Variants in TRAPPC9 observed in about 807,000 individuals in gnomAD.
TRAPPC9 encodes IKK2 binding protein.
TRAPPC9 carries 83 observed loss-of-function variants against 124.0 expected under a neutral mutation model. The ratio of observed to expected loss-of-function variants is 0.67; its 90% CI spans 0.56 to 0.80. TRAPPC9 has a LOEUF of 0.80. Among genes scored for constraint, TRAPPC9 ranks in the 30% least tolerant of loss-of-function variants. TRAPPC9 has a pLI of 0.00. For missense variants in TRAPPC9, 1,302 were observed against 1,508.3 expected (o/e 0.86, Z 2.27); for synonymous variants, 638 against 617.5 (o/e 1.03, Z -0.49).
chr8:140,245,684 T>C (rs1563878091), intron 16 of TRAPPC9, among the ~76,000 whole-genome samples: 1 of 152,218 alleles, frequency 6.6e-6, no homozygotes, highest in South Asian at 2.1e-4. Context: ...TCCTGGAGTC[T>C]GGACTGCCAA....
intron 18 of TRAPPC9, among the ~76,000 whole-genome samples, chr8:140,022,054 A>G (rs1260261927): frequency 6.6e-6 from 1 of 152,234 alleles, no homozygotes; most frequent in Non-Finnish European, 1.5e-5. Context: ...CTTAAGCACC[A>G]TGGATGTCAT....
intron 17 of TRAPPC9, among the ~76,000 whole-genome samples, chr8:140,132,329 C>T (rs1048319594): frequency 2.0e-5 from 3 of 152,192 alleles, no homozygotes; most frequent in Admixed American, 6.5e-5. Flanking sequence ...GCCGAAACCA[C>T]GTAAGACTTC....
chr8:140,264,009 A>G (rs1343248862), intron 15 of TRAPPC9, among the ~76,000 whole-genome samples: 1 of 152,186 alleles, frequency 6.6e-6, no homozygotes, highest in Non-Finnish European at 1.5e-5. Flanking sequence ...CTCTATGACA[A>G]TACCAAGAAG....
intron 20 of TRAPPC9, among the ~76,000 whole-genome samples, chr8:139,892,944 T>G (rs538469707): frequency 6.6e-6 from 1 of 152,220 alleles, no homozygotes; most frequent in African/African-American, 2.4e-5. Flanking sequence ...ACAGCCTCAG[T>G]CCACAACGAC....
chr8:140,098,931 A>G (rs2060512102), intron 17 of TRAPPC9: 1 of 151,456 alleles, frequency 6.6e-6, no homozygotes, highest in African/African-American at 2.4e-5. Flanking sequence ...GGTAGGTCTC[A>G]GTGCGCAGCT....
At chr8:139,796,067 G>GAGGAGGAGGAAGAGGAGA (rs1357159545) in intron 21 of TRAPPC9, among the ~76,000 whole-genome samples, 1 of 124,866 alleles carries the variant, frequency 8.0e-6, no homozygotes, top group Non-Finnish European at 1.5e-5. Context: ...AGAGGAAGAA[G>GAGGAGGAGGAAGAGGAGA]AGGAGGAGGA....
intron 5 of TRAPPC9, among the ~76,000 whole-genome samples, chr8:140,419,448 A>AACAAAAC (rs1554683877): frequency 5.8e-4 from 55 of 94,774 alleles, no homozygotes; most frequent in African/African-American, 1.9e-3. Context: ...AAAAAAAAAA[A>AACAAAAC]AAAACAAAAC....
chr8:139,756,724 G>A (rs1586776765), intron 21 of TRAPPC9, among the ~76,000 whole-genome samples: 1 of 134,650 alleles, frequency 7.4e-6, no homozygotes, highest in East Asian at 2.4e-4. Context: ...AGGACAGCAG[G>A]TCGCAGGAGG....
chr8:140,083,948 A>G (rs1844019446), intron 17 of TRAPPC9, among the ~76,000 whole-genome samples: 1 of 152,082 alleles, frequency 6.6e-6, no homozygotes, highest in African/African-American at 2.4e-5. Flanking sequence ...TACAGGCATG[A>G]GCGCCGCACC....
chr8:140,038,563 C>G (rs116079760), intron 17 of TRAPPC9, among the ~76,000 whole-genome samples: 1 of 152,200 alleles, frequency 6.6e-6, no homozygotes, highest in African/African-American at 2.4e-5. Flanking sequence ...CCTGGCTCCA[C>G]GCACACTGCT....
rs1001573455 is a variant in TRAPPC9, at chr8:139,729,516, G to T, written c.*1545C>A. On this transcript the variant is annotated 3_prime_UTR_variant, in exon 23 of 23. Transcript: ENST00000438773. ...GGGGAGCCTCGAGCAGATGCTGAAT[G>T]AGCTCCAGGAACTGAGGGCCACTGG... 6.6e-6 allele frequency among the ~76,000 whole-genome samples: 1 copy of T among 152,194 alleles called. No homozygotes were observed. The highest frequency in any genetic ancestry group is 1.5e-5 in the Non-Finnish European group (1 of 68,030).
intron 1 of TRAPPC9, among the ~76,000 whole-genome samples, chr8:140,451,886 C>T (rs1159304500): frequency 1.3e-5 from 2 of 152,124 alleles, no homozygotes; most frequent in African/African-American, 2.4e-5. Context: ...TTTGGAAGGC[C>T]GAAGCTGGCG....
chr8:139,987,986 TG>T (rs148041496), intron 19 of TRAPPC9, among the ~76,000 whole-genome samples: 2,478 of 152,332 alleles, frequency 0.016, 26 homozygotes, highest in Non-Finnish European at 0.026. Flanking sequence ...AGACTGGGCT[TG>T]GGTGACTGTG....
In TRAPPC9 at chr8:140,134,100, A is replaced by G. The variant is rs545381340; in HGVS notation, c.2556+87359T>C. Among the ~76,000 whole-genome samples, 25 of 152,358 alleles carry G rather than the reference A, an allele frequency of 1.6e-4. 1 individual carries two copies. Among genetic ancestry groups the G allele is most frequent in the African/African-American group, 5.8e-4 (24 of 41,580 alleles). ...CCCAAATAGCAAAAACAATATTGAA[A>G]AAAAGAACAAAGTTAGAGGACTCAC... On this transcript the variant is annotated intron_variant, in intron 17 of 22. Coordinates refer to ENST00000438773, the MANE Select transcript of TRAPPC9 (RefSeq NM_001160372.4).
chr8:140,067,837 G>C (rs1270753496), intron 17 of TRAPPC9, among the ~76,000 whole-genome samples: 1 of 151,926 alleles, frequency 6.6e-6, no homozygotes, highest in Non-Finnish European at 1.5e-5. Context: ...AGGAAGGAAA[G>C]AAGTCCAGAG....
chr8:139,809,685 TAAG>T (rs1355774972), intron 21 of TRAPPC9, among the ~76,000 whole-genome samples: 1 of 151,942 alleles, frequency 6.6e-6, no homozygotes, highest in Non-Finnish European at 1.5e-5. Context: ...CATTCTCTCT[TAAG>T]GAGTCCCCAG....
chr8:140,422,773 G>A (rs1380463783), intron 5 of TRAPPC9, among the ~76,000 whole-genome samples: 3 of 143,790 alleles, frequency 2.1e-5, no homozygotes, highest in African/African-American at 7.5e-5. Context: ...AAAAAAAACT[G>A]TTACAACTCA....
chr8:139,979,003 G>A (rs1439808858), intron 19 of TRAPPC9, among the ~76,000 whole-genome samples: 3 of 148,646 alleles, frequency 2.0e-5, no homozygotes, highest in Middle Eastern at 3.6e-3. Flanking sequence ...CTCGGTGGCC[G>A]GGCTCCCATC....
At chr8:139,946,937 A>C (rs2131476802) in intron 19 of TRAPPC9, among the ~76,000 whole-genome samples, 1 of 152,214 alleles carries the variant, frequency 6.6e-6, no homozygotes, top group Non-Finnish European at 1.5e-5. Flanking sequence ...CAGTGAGCTG[A>C]GATTGCACCA....
Sources: gnomAD v4.1 joint callset for allele counts (sites outside exome capture counted in the v4.1 genomes callset) on GRCh38, gnomAD v4.1.1 for gene constraint, MANE v1.5 for transcripts, NCBI Gene and HGNC (gene_info 2026-07-23, HGNC 2026-07-21) for gene names.